Variants in MACROD1 observed in about 807,000 individuals in gnomAD.
MACROD1 encodes ADP-ribose glycohydrolase MACROD1.
MACROD1 carries 31 observed loss-of-function variants against 41.4 expected under a neutral mutation model. The ratio of observed to expected loss-of-function variants is 0.75; its 90% CI spans 0.56 to 1.01. MACROD1 has a LOEUF of 1.01. Among genes scored for constraint, MACROD1 ranks in the 50% least tolerant of loss-of-function variants. The pLI is 0.00. For missense variants in MACROD1, 473 were observed against 460.0 expected, an observed-to-expected ratio of 1.03 and a Z score of -0.26; for synonymous variants, 252 against 203.4, an observed-to-expected ratio of 1.24 and a Z score of -2.03.
At chr11:64,113,063 C>A (rs1944891008) in intron 3 of MACROD1, among the ~76,000 whole-genome samples, 1 of 152,232 alleles carries the variant, frequency 6.6e-6, no homozygotes, top group Admixed American at 6.5e-5. Flanking sequence ...CTGCAAGCCT[C>A]AAGATTGCCA....
At chr11:64,032,595 T>C (rs1943308711) in intron 3 of MACROD1, among the ~76,000 whole-genome samples, 1 of 152,058 alleles carries the variant, frequency 6.6e-6, no homozygotes, top group Non-Finnish European at 1.5e-5. Context: ...GAGCTCAAGG[T>C]TGAACCTACA....
intron 3 of MACROD1, among the ~76,000 whole-genome samples, chr11:64,024,813 A>G (rs1943203905): frequency 6.6e-6 from 1 of 151,962 alleles, no homozygotes; most frequent in African/African-American, 2.4e-5. Context: ...ACCCCTAGGA[A>G]AGGTCAAGGC....
At chr11:64,021,824 A>G (rs1371880554) in intron 3 of MACROD1, among the ~76,000 whole-genome samples, 2 of 151,350 alleles carry the variant, frequency 1.3e-5, no homozygotes, top group Non-Finnish European at 2.9e-5. Flanking sequence ...TGGCACGTGC[A>G]TCATCTGGCT....
chr11:64,001,353 TC>T, intron 4 of MACROD1: 4 of 690,750 alleles, frequency 5.8e-6, no homozygotes, highest in Non-Finnish European at 7.9e-6. Flanking sequence ...ACAGGGCCCA[TC>T]TTTGGCAGCT....
chr11:64,030,588 C>G (rs1392132785), intron 3 of MACROD1, among the ~76,000 whole-genome samples: 1 of 152,158 alleles, frequency 6.6e-6, no homozygotes, highest in Non-Finnish European at 1.5e-5. Flanking sequence ...CCCCAGGAAG[C>G]AAACACAACG....
chr11:64,067,327 AG>A lies in MACROD1; in HGVS notation c.518-52047del, dbSNP rs768537806. Among the ~76,000 whole-genome samples the A allele has an allele frequency of 2.0e-5, 3 of 152,124 alleles. No individual in the cohort carries two copies. Among genetic ancestry groups the A allele is most frequent in the Non-Finnish European group, 2.9e-5 (2 of 68,016 alleles). On this transcript the variant is annotated intron_variant, in intron 3 of 10. Transcript: ENST00000255681. This position sits in a 1 kb window ranked among gnomAD's most constrained non-coding sequence, Gnocchi z 4.6. ...CTCCCCACTGCTCAGCCTCTCCCGG[AG>A]GATGGTGAGGGGGGAATCCATTATC...
At chr11:64,027,237 C>G (rs1468572594) in intron 3 of MACROD1, among the ~76,000 whole-genome samples, 3 of 152,166 alleles carry the variant, frequency 2.0e-5, no homozygotes, top group African/African-American at 7.2e-5. Flanking sequence ...CGGGGCCCTC[C>G]CTGATCCTTC....
chr11:64,137,278 C>CG (rs1231820037), intron 3 of MACROD1, among the ~76,000 whole-genome samples: 12 of 151,900 alleles, frequency 7.9e-5, no homozygotes, highest in East Asian at 1.9e-4. Flanking sequence ...AGGGCAGCGG[C>CG]GGGGGGGTCT....
intron 3 of MACROD1, among the ~76,000 whole-genome samples, chr11:64,112,874 G>A (rs372324511): frequency 2.0e-5 from 3 of 152,250 alleles, no homozygotes; most frequent in East Asian, 3.8e-4. Flanking sequence ...CCCTGTAAGT[G>A]TGAAGGGAAC....
chr11:64,017,607 A>G (rs1258780521), intron 3 of MACROD1, among the ~76,000 whole-genome samples: 1 of 151,956 alleles, frequency 6.6e-6, no homozygotes, highest in Non-Finnish European at 1.5e-5. Context: ...TGCAGCCTCC[A>G]CCCACTCCCC....
At chr11:64,005,735 C>G (rs1942900253) in intron 4 of MACROD1, among the ~76,000 whole-genome samples, 1 of 152,246 alleles carries the variant, frequency 6.6e-6, no homozygotes, top group Non-Finnish European at 1.5e-5. Context: ...GATTCCTTTG[C>G]CCTGTCATGC....
At chr11:64,137,599 G>A (rs935593379) in intron 3 of MACROD1, among the ~76,000 whole-genome samples, 8 of 152,114 alleles carry the variant, frequency 5.3e-5, no homozygotes, top group Admixed American at 2.0e-4. Flanking sequence ...CATCTGGGCC[G>A]GGTCAGGAGA....
rs1238305371 is a variant in MACROD1, at chr11:64,032,761, G to C, written c.518-17480C>G. Among the ~76,000 whole-genome samples the C allele has an allele frequency of 2.6e-5, 4 of 152,112 alleles. No individual in the cohort carries two copies. In the East Asian group the frequency reaches 7.7e-4, roughly 29 times the overall value. ...CCACAGCTCCCAGGGGCTCGGCAAGGGTTTGTTGACTGAACAGTGATCTTT... is the reference window on the plus strand; with the variant it reads ...CCACAGCTCCCAGGGGCTCGGCAAGCGTTTGTTGACTGAACAGTGATCTTT... On this transcript the variant is annotated intron_variant, in intron 3 of 10. Transcript: ENST00000255681.
intron 3 of MACROD1, among the ~76,000 whole-genome samples, chr11:64,129,738 A>C (rs1945238458): frequency 1.3e-5 from 2 of 152,170 alleles, no homozygotes; most frequent in Admixed American, 1.3e-4. Context: ...CCTGCTGAAG[A>C]GGATGACAGG....
At chr11:64,009,824 G>A (rs1012542730) in intron 4 of MACROD1, among the ~76,000 whole-genome samples, 4 of 152,196 alleles carry the variant, frequency 2.6e-5, no homozygotes, top group Admixed American at 6.5e-5. Flanking sequence ...CTAAATCACC[G>A]CACATTTGCC....
At chr11:64,008,546 G>A (rs1240861769) in intron 4 of MACROD1, among the ~76,000 whole-genome samples, 1 of 152,048 alleles carries the variant, frequency 6.6e-6, no homozygotes, top group African/African-American at 2.4e-5. Flanking sequence ...GCGACAGGAG[G>A]GCAGAGGAGC....
intron 3 of MACROD1, among the ~76,000 whole-genome samples, chr11:64,095,455 G>A (rs535567352): frequency 2.0e-5 from 3 of 152,260 alleles, no homozygotes; most frequent in African/African-American, 7.2e-5. Context: ...TTCCAACACA[G>A]GCAAAAAATC....
At chr11:64,060,940 G>A (rs1487580747) in intron 3 of MACROD1, among the ~76,000 whole-genome samples, 3 of 151,024 alleles carry the variant, frequency 2.0e-5, no homozygotes, top group Admixed American at 6.6e-5. Flanking sequence ...TGCGCACCGC[G>A]GCGGCGGCGG....
chr11:64,153,071 AC>A (rs926220752), intron 1 of MACROD1, among the ~76,000 whole-genome samples: 7 of 149,892 alleles, frequency 4.7e-5, no homozygotes, highest in African/African-American at 1.2e-4. Context: ...GGAGCCAGGC[AC>A]CCCCCACCCG....
Sources: gnomAD v4.1 joint callset for allele counts (sites outside exome capture counted in the v4.1 genomes callset) on GRCh38, gnomAD v4.1.1 for gene constraint, Gnocchi (gnomAD v3.1) non-coding constraint, MANE v1.5 for transcripts, NCBI Gene and HGNC (gene_info 2026-07-23, HGNC 2026-07-21) for gene names.